AGBL4: variants seen among roughly 807,000 people sequenced by gnomAD.
AGBL4 encodes the protein cytosolic carboxypeptidase 6.
Under a neutral mutation model 66.4 loss-of-function variants are expected in AGBL4, and 58 were observed. The observed-to-expected ratio is 0.87, with a 90% CI of 0.71 to 1.09. AGBL4 has a LOEUF of 1.09. AGBL4 is among the 50% of genes least tolerant of loss of function. AGBL4 has a pLI of 0.00. For missense variants in AGBL4, 579 were observed against 631.0 expected (o/e 0.92, Z 0.88); for synonymous variants, 234 against 222.9 (o/e 1.05, Z -0.44).
chr1:49,526,219 G>A (rs1650652059), intron 3 of AGBL4, among the ~76,000 whole-genome samples: 1 of 151,992 alleles, frequency 6.6e-6, no homozygotes, highest in South Asian at 2.1e-4. Context: ...TTTCACAGAA[G>A]AGTCATTAAA....
At chr1:49,849,482 C>A (rs1239495724) in intron 2 of AGBL4, among the ~76,000 whole-genome samples, 1 of 135,298 alleles carries the variant, frequency 7.4e-6, no homozygotes, top group Non-Finnish European at 1.5e-5. Flanking sequence ...TATACATACA[C>A]ACACACACAC....
intron 2 of AGBL4, among the ~76,000 whole-genome samples, chr1:49,849,674 C>T (rs1315769565): frequency 6.6e-6 from 1 of 151,892 alleles, no homozygotes; most frequent in Non-Finnish European, 1.5e-5. Flanking sequence ...ACTGATACAA[C>T]CAATTATTCA....
At chr1:49,693,250 T>G (rs1646922955) in intron 3 of AGBL4, among the ~76,000 whole-genome samples, 1 of 152,172 alleles carries the variant, frequency 6.6e-6, no homozygotes, top group Non-Finnish European at 1.5e-5. Context: ...TTCATATCCC[T>G]TTGCCTATCA....
chr1:49,367,675 C>T (rs1477367568), intron 3 of AGBL4, among the ~76,000 whole-genome samples: 1 of 152,190 alleles, frequency 6.6e-6, no homozygotes, highest in Admixed American at 6.5e-5. Flanking sequence ...ATTGTACTGA[C>T]ATGATCCTAG....
At chr1:49,465,454 G>A (rs966578864) in intron 3 of AGBL4, among the ~76,000 whole-genome samples, 1 of 151,708 alleles carries the variant, frequency 6.6e-6, no homozygotes, top group African/African-American at 2.4e-5. Flanking sequence ...CAGGAGATAA[G>A]GAGCTTTAAA....
chr1:49,530,395 C>T (rs1157309716), intron 3 of AGBL4, among the ~76,000 whole-genome samples: 1 of 151,508 alleles, frequency 6.6e-6, no homozygotes, highest in Non-Finnish European at 1.5e-5. Context: ...CACCCATTAA[C>T]TCTTCATTTA....
chr1:49,151,455 A>C (rs1349490031), intron 4 of AGBL4, among the ~76,000 whole-genome samples: 3 of 151,682 alleles, frequency 2.0e-5, no homozygotes, highest in African/African-American at 7.3e-5. Flanking sequence ...TGTGTGAGCT[A>C]TGCCTCTCTC....
intron 4 of AGBL4, among the ~76,000 whole-genome samples, chr1:49,237,296 G>A: frequency 6.6e-6 from 1 of 150,428 alleles, no homozygotes; most frequent in Non-Finnish European, 1.5e-5. Context: ...CCCAAAAAAT[G>A]GGAGTTTCCC....
At chr1:48,651,404 C>T (rs1026915866) in intron 8 of AGBL4, among the ~76,000 whole-genome samples, 1 of 152,102 alleles carries the variant, frequency 6.6e-6, no homozygotes, top group African/African-American at 2.4e-5. Flanking sequence ...TAGTCCTTCC[C>T]GAGACAGCAG....
chr1:48,668,307 G>T (rs1158473163), intron 6 of AGBL4, among the ~76,000 whole-genome samples: 2 of 152,138 alleles, frequency 1.3e-5, no homozygotes, highest in Admixed American at 1.3e-4. Context: ...CCTTTCCAGT[G>T]CACCCTCTGC....
rs536563016 is a variant in AGBL4 at position 48,611,259 on chromosome 1, G to T, written c.952-20274C>A. Among the ~76,000 whole-genome samples, 4 of 152,340 alleles carry T rather than the reference G, an allele frequency of 2.6e-5. No homozygotes were observed. In the East Asian group the frequency reaches 7.7e-4, roughly 29 times the overall value. ...CTTCAATGAAGGGTGGGAGAGAAAG[G>T]TATTTTCCTGTCAGATGGCCTGACT... On this transcript the variant is annotated intron_variant, in intron 9 of 13. Coordinates refer to ENST00000371839, the MANE Select transcript of AGBL4 (RefSeq NM_032785.4).
At chr1:48,991,605 T>A (rs1426092977) in intron 5 of AGBL4, among the ~76,000 whole-genome samples, 2 of 152,266 alleles carry the variant, frequency 1.3e-5, no homozygotes, top group East Asian at 3.9e-4. Context: ...GGCTAGTAAG[T>A]CTTAGAATTG....
chr1:49,266,608 A>AACAC (rs71307610), intron 3 of AGBL4, among the ~76,000 whole-genome samples: 78,227 of 149,528 alleles, frequency 0.52, 21,029 homozygotes, highest in Middle Eastern at 0.64. Flanking sequence ...ATAAACCTGT[A>AACAC]ACACACACAC....
chr1:49,180,297 A>G (rs1294315154), intron 4 of AGBL4, among the ~76,000 whole-genome samples: 1 of 152,210 alleles, frequency 6.6e-6, no homozygotes, highest in Non-Finnish European at 1.5e-5. Flanking sequence ...TATAACACAT[A>G]TAAAGTACTT....
intron 5 of AGBL4, among the ~76,000 whole-genome samples, chr1:48,945,253 C>T (rs1179421978): frequency 1.3e-5 from 2 of 152,112 alleles, no homozygotes; most frequent in Non-Finnish European, 2.9e-5. Flanking sequence ...TTGCAATGTC[C>T]TTGGAACACA....
chr1:48,820,118 T>A (rs1646278265), intron 6 of AGBL4, among the ~76,000 whole-genome samples: 1 of 152,228 alleles, frequency 6.6e-6, no homozygotes, highest in Non-Finnish European at 1.5e-5. Context: ...AGAAATTACA[T>A]GGAACAAGGA....
At chr1:49,010,934 A>G (rs1297551117) in intron 5 of AGBL4, among the ~76,000 whole-genome samples, 39 of 152,354 alleles carry the variant, frequency 2.6e-4, no homozygotes, top group African/African-American at 8.2e-4. Flanking sequence ...ACTCTAGAAG[A>G]AAACCTAGGC....
Position 49,382,785 on chromosome 1 carries a change from C to G in AGBL4, c.283-136921G>C, listed in dbSNP as rs991728000. Among the ~76,000 whole-genome samples, 6 of 152,202 alleles carry G rather than the reference C, an allele frequency of 3.9e-5. No homozygotes were observed. The Middle Eastern group carries it at 0.014, about 345-fold the overall frequency. On this transcript the variant is annotated intron_variant, in intron 3 of 13. Coordinates refer to ENST00000371839, the MANE Select transcript of AGBL4 (RefSeq NM_032785.4). ...GACCTTAAGAGTTTCCAATTAAAAACCTTTTAGAGGTAATAAAAAAATTTA... is the reference window on the plus strand; with the variant it reads ...GACCTTAAGAGTTTCCAATTAAAAAGCTTTTAGAGGTAATAAAAAAATTTA...
intron 3 of AGBL4, among the ~76,000 whole-genome samples, chr1:49,322,731 G>A (rs1210378007): frequency 2.6e-5 from 4 of 152,206 alleles, no homozygotes; most frequent in Non-Finnish European, 5.9e-5. Context: ...CAGAACAAGT[G>A]TGGCCTTGTG....
Sources: allele counts gnomAD v4.1 joint callset (sites outside exome capture counted in the v4.1 genomes callset), GRCh38; gene constraint gnomAD v4.1.1; transcripts MANE v1.5; gene names NCBI Gene and HGNC (gene_info 2026-07-23, HGNC 2026-07-21).